Variants in ZNF385B observed in about 807,000 individuals in gnomAD.
ZNF385B encodes the protein zinc finger protein 533.
In ZNF385B, 23 loss-of-function variants were observed where a neutral mutation model predicts 39.2. The ratio of observed to expected loss-of-function variants is 0.59; its 90% CI spans 0.42 to 0.83. The LOEUF (loss-of-function observed/expected upper bound fraction) is 0.83. Among genes scored for constraint, ZNF385B ranks in the 40% least tolerant of loss-of-function variants. The probability of loss-of-function intolerance (pLI) is 0.00; values close to 1 mark genes in which losing one functional copy is unlikely to be tolerated. For missense variants in ZNF385B, 552 were observed against 598.9 expected, an observed-to-expected ratio of 0.92 and a Z score of 0.82; for synonymous variants, 205 against 222.6, an observed-to-expected ratio of 0.92 and a Z score of 0.70.
chr2:179,717,906 T>TTTG (rs113519253), intron 3 of ZNF385B, among the ~76,000 whole-genome samples: 41,469 of 152,028 alleles, frequency 0.27, 6,073 homozygotes, highest in East Asian at 0.5. Context: ...TCATATGTTG[T>TTTG]TTATTAGCTG....
intron 3 of ZNF385B, among the ~76,000 whole-genome samples, chr2:179,666,034 A>G (rs1695105862): frequency 6.6e-6 from 1 of 152,200 alleles, no homozygotes; most frequent in Admixed American, 6.5e-5. Flanking sequence ...GATGGACAAG[A>G]CCATGAAACT....
At chr2:179,688,428 G>C (rs1038808138) in intron 3 of ZNF385B, among the ~76,000 whole-genome samples, 15 of 152,080 alleles carry the variant, frequency 9.9e-5, no homozygotes, top group Admixed American at 9.2e-4. Context: ...GAGCCCAGAA[G>C]TTCAAGACCA....
chr2:179,497,262 C>T (rs777098090), intron 5 of ZNF385B, among the ~76,000 whole-genome samples: 1 of 152,028 alleles, frequency 6.6e-6, no homozygotes, highest in Non-Finnish European at 1.5e-5. Flanking sequence ...AATAAGATAA[C>T]ACTGTAACTG....
chr2:179,476,016 C>CAAA (rs34327373), intron 6 of ZNF385B, among the ~76,000 whole-genome samples: 14 of 57,014 alleles, frequency 2.5e-4, no homozygotes, highest in Non-Finnish European at 3.5e-4. Context: ...GCCTCTGTCT[C>CAAA]AAAAAAAAAA....
intron 3 of ZNF385B, among the ~76,000 whole-genome samples, chr2:179,727,863 A>G (rs1266452809): frequency 6.6e-6 from 1 of 152,104 alleles, no homozygotes; most frequent in African/African-American, 2.4e-5. Flanking sequence ...ACTAGCTTGG[A>G]GGCAGCAGGT....
At chr2:179,516,638 A>G (rs2058107064) in intron 5 of ZNF385B, among the ~76,000 whole-genome samples, 1 of 152,040 alleles carries the variant, frequency 6.6e-6, no homozygotes, top group African/African-American at 2.4e-5. Flanking sequence ...TGAGTTATAA[A>G]TTATTTATAT....
chr2:179,594,366 T>C (rs1404592607), intron 3 of ZNF385B, among the ~76,000 whole-genome samples: 1 of 152,194 alleles, frequency 6.6e-6, no homozygotes, highest in East Asian at 1.9e-4. Context: ...TGCTCTCAAA[T>C]GGCAGTATGC....
chr2:179,443,641 T>C (rs538252259), intron 9 of ZNF385B, among the ~76,000 whole-genome samples, 173 bp from the exon 10 acceptor site: 38 of 152,352 alleles, frequency 2.5e-4, no homozygotes, highest in African/African-American at 7.7e-4. Context: ...CAGTGGCTCA[T>C]GGCATAGCTT....
At chr2:179,575,183 C>G (rs910671191) in intron 3 of ZNF385B, among the ~76,000 whole-genome samples, 4 of 152,054 alleles carry the variant, frequency 2.6e-5, no homozygotes, top group Non-Finnish European at 5.9e-5. Context: ...CAGAACCACG[C>G]TGAAAGCCAA....
At chr2:179,712,031 C>T (rs901358005) in intron 3 of ZNF385B, among the ~76,000 whole-genome samples, 3 of 151,958 alleles carry the variant, frequency 2.0e-5, no homozygotes, top group African/African-American at 7.3e-5. Context: ...AAACATGGTG[C>T]CATCCCTATT....
intron 3 of ZNF385B, among the ~76,000 whole-genome samples, chr2:179,759,684 C>T (rs184488361): frequency 2.3e-4 from 35 of 152,258 alleles, no homozygotes; most frequent in Admixed American, 7.2e-4. Flanking sequence ...CTTCCTTGAC[C>T]TCCATAAAGT....
At chr2:179,483,978 C>T (rs185611048) in intron 5 of ZNF385B, among the ~76,000 whole-genome samples, 52 of 152,262 alleles carry the variant, frequency 3.4e-4, no homozygotes, top group South Asian at 2.5e-3. Context: ...CTTCATGTAC[C>T]ATTTTGATGA....
At chr2:179,836,542 C>T (rs1466848327) in intron 1 of ZNF385B, among the ~76,000 whole-genome samples, 4 of 131,774 alleles carry the variant, frequency 3.0e-5, no homozygotes, top group Non-Finnish European at 4.7e-5. Context: ...GACGGAGTCT[C>T]GCTCTGTCGC....
intron 3 of ZNF385B, chr2:179,583,840 C>A: frequency 8.2e-7 from 1 of 1,215,602 alleles, no homozygotes; most frequent in South Asian, 1.4e-5. Context: ...GCAGCAGGGC[C>A]ATTTCAGGAG....
In ZNF385B at chr2:179,735,799, G is replaced by A. The variant is rs1030647871; in HGVS notation, c.298+33704C>T. On this transcript the variant is annotated intron_variant, in intron 3 of 9. Transcript: ENST00000410066. ...TCTCAAGAACTAAAAACCAAACACCGCATATTCTCACTCATAGGTGGGAAT... is the reference window on the plus strand; with the variant it reads ...TCTCAAGAACTAAAAACCAAACACCACATATTCTCACTCATAGGTGGGAAT... Among the ~76,000 whole-genome samples, 58 of 149,184 alleles carry A rather than the reference G, an allele frequency of 3.9e-4. No individual in the cohort carries two copies. The South Asian group carries it at 5.3e-3, about 14-fold the overall frequency.
At chr2:179,627,606 C>A (rs891375722) in intron 3 of ZNF385B, among the ~76,000 whole-genome samples, 4 of 152,168 alleles carry the variant, frequency 2.6e-5, no homozygotes, top group Non-Finnish European at 4.4e-5. Flanking sequence ...GAGTACACAT[C>A]TCTTCTCAAC....
intron 3 of ZNF385B, among the ~76,000 whole-genome samples, chr2:179,594,198 G>A (rs553259652): frequency 5.3e-4 from 80 of 152,216 alleles, no homozygotes; most frequent in African/African-American, 1.4e-3. Context: ...TTAGTAGTTC[G>A]TTTAGATTAG....
chr2:179,734,312 T>G (rs1012831343), intron 3 of ZNF385B, among the ~76,000 whole-genome samples: 3 of 152,212 alleles, frequency 2.0e-5, no homozygotes, highest in African/African-American at 7.2e-5. Context: ...GTGAAATTGC[T>G]GGGTCAAAAG....
intron 5 of ZNF385B, among the ~76,000 whole-genome samples, chr2:179,501,316 T>G (rs1160019628): frequency 1.3e-5 from 2 of 152,154 alleles, no homozygotes; most frequent in Non-Finnish European, 2.9e-5. Context: ...CTCTTTACAA[T>G]AGCTACGATT....
Sources: gnomAD v4.1 joint callset for allele counts (sites outside exome capture counted in the v4.1 genomes callset) on GRCh38, gnomAD v4.1.1 for gene constraint, MANE v1.5 for transcripts, NCBI Gene and HGNC (gene_info 2026-07-23, HGNC 2026-07-21) for gene names.